PRRG1: variants seen among roughly 807,000 people sequenced by gnomAD.
PRRG1 encodes the protein proline rich and Gla domain 1.
Under a neutral mutation model 11.8 loss-of-function variants are expected in PRRG1, and 5 were observed. The ratio of observed to expected loss-of-function variants is 0.42; its 90% CI spans 0.22 to 0.89. The LOEUF (loss-of-function observed/expected upper bound fraction) is 0.89, where lower values mean the gene tolerates loss of function less well. PRRG1 is among the 40% of genes least tolerant of loss of function. The probability of loss-of-function intolerance (pLI) is 0.28; values close to 1 mark genes in which losing one functional copy is unlikely to be tolerated. For synonymous variants in PRRG1, 66 were observed against 60.4 expected, an observed-to-expected ratio of 1.09 and a Z score of -0.43; for missense variants, 155 against 166.1, an observed-to-expected ratio of 0.93 and a Z score of 0.37.
intron 1 of PRRG1, among the ~76,000 whole-genome samples, chrX:37,354,607 A>G (rs1365487669): frequency 9.2e-6 from 1 of 108,977 alleles, no homozygotes; most frequent in Non-Finnish European, 1.9e-5. Flanking sequence ...GTTAGCCAGG[A>G]TGGTCTCGAT....
At chrX:37,393,946 G>A (rs782154232) in intron 1 of PRRG1, among the ~76,000 whole-genome samples, 1 of 112,026 alleles carries the variant, frequency 8.9e-6, no homozygotes, top group South Asian at 3.7e-4. Flanking sequence ...ACACAACTGT[G>A]TTTGTGAAAA....
chrX:37,373,486 T>C (rs782405222), intron 1 of PRRG1, among the ~76,000 whole-genome samples: 11 of 112,118 alleles, frequency 9.8e-5, no homozygotes, highest in Non-Finnish European at 1.9e-5. Flanking sequence ...TTTTACAGTT[T>C]TCAGTGTACA....
At chrX:37,442,304 A>G in intron 3 of PRRG1, 1 of 656,947 alleles carries the variant, frequency 1.5e-6, no homozygotes, top group Non-Finnish European at 1.8e-6. Flanking sequence ...GGCTTAAAGT[A>G]GGTATCCAGC....
intron 1 of PRRG1, among the ~76,000 whole-genome samples, chrX:37,382,008 T>C (rs1422639370): frequency 9.0e-6 from 1 of 111,698 alleles, no homozygotes; most frequent in African/African-American, 3.2e-5. Context: ...CCCTGAGTCT[T>C]CATACATTTC....
rs782809550 is a variant in PRRG1, at chrX:37,423,722, A to G, written c.11-2118A>G. On this transcript the variant is annotated intron_variant, in intron 2 of 3. Coordinates refer to ENST00000378628, the MANE Select transcript of PRRG1 (RefSeq NM_001142395.2). The stretch of plus-strand genomic sequence containing the variant: ...TATACATTTAATGTAGCCTAAGTCG[A>G]CAGTGTTGATAAAGTCTACAGTAGT... 1.0e-4 allele frequency among the ~76,000 whole-genome samples: 11 copies of G among 109,839 alleles called. No individual in the cohort carries two copies. The South Asian group carries it at 4.3e-3, about 43-fold the overall frequency.
At chrX:37,441,237 A>C (rs1324673894) in intron 3 of PRRG1, 7 of 776,485 alleles carry the variant, frequency 9.0e-6, no homozygotes, top group Non-Finnish European at 1.1e-5. Context: ...GCTATTACAG[A>C]GGGGACCAAT....
rs782438965 is a variant in PRRG1, at chrX:37,402,784, T to C, written c.-41-3425T>C. Among the ~76,000 whole-genome samples the C allele has an allele frequency of 2.7e-5, 3 of 109,764 alleles. No homozygotes were observed. In the Admixed American group the frequency reaches 2.9e-4, roughly 11 times the overall value. The stretch of plus-strand genomic sequence containing the variant: ...TCTACAATGAACTCAAACAAATTTA[T>C]AAGAAAAAAACAACCCCATCAAAAA... On this transcript the variant is annotated intron_variant, in intron 1 of 3. Transcript: ENST00000378628.
chrX:37,417,691 T>A (rs782183552), intron 2 of PRRG1, among the ~76,000 whole-genome samples: 2 of 111,315 alleles, frequency 1.8e-5, no homozygotes, highest in Non-Finnish European at 3.8e-5. Context: ...CAGTCTGTGA[T>A]AAGAAGTACC....
chrX:37,451,502 A>G (rs1216888100), intron 3 of PRRG1, among the ~76,000 whole-genome samples: 1 of 112,524 alleles, frequency 8.9e-6, no homozygotes, highest in Middle Eastern at 4.2e-3. Context: ...AGTGAAGCCA[A>G]TGAGTACTTT....
In PRRG1 at chrX:37,372,255, G is replaced by A. The variant is rs147111831; in HGVS notation, c.-42+22860G>A. 5.7e-3 allele frequency among the ~76,000 whole-genome samples: 636 copies of A among 111,869 alleles called. 10 individuals are homozygous for A. Among genetic ancestry groups the A allele is most frequent in the African/African-American group, 0.018 (550 of 30,740 alleles). ...GCATTTTTTTATATACTTGTAGACT[G>A]TTTGTATGTCTTTGAGAAATGTCTG... On this transcript the variant is annotated intron_variant, in intron 1 of 3. Coordinates refer to ENST00000378628, the MANE Select transcript of PRRG1 (RefSeq NM_001142395.2).
intron 1 of PRRG1, among the ~76,000 whole-genome samples, chrX:37,369,401 A>G (rs1380170569): frequency 8.9e-6 from 1 of 112,032 alleles, no homozygotes; most frequent in Non-Finnish European, 1.9e-5. Flanking sequence ...TGAAAATTAC[A>G]TAGATTTGTG....
rs36010783 is a variant in PRRG1, at chrX:37,439,793, CT to C, written c.172-13323del. Among the ~76,000 whole-genome samples the C allele has an allele frequency of 9.9e-3, 730 of 73,955 alleles. 12 individuals carry two copies. Among genetic ancestry groups the C allele is most frequent in the African/African-American group, 0.035 (602 of 17,233 alleles). 64.2% of individuals were successfully genotyped at this position (73,955 alleles called of 115,157 possible). ...TTTTAATTTCTACTGCTTTAAAATT[CT>C]TTTTTTTTTTTTTTTTTTTGAGAGG... On this transcript the variant is annotated intron_variant, in intron 3 of 3. Coordinates refer to ENST00000378628, the MANE Select transcript of PRRG1 (RefSeq NM_001142395.2).
intron 1 of PRRG1, among the ~76,000 whole-genome samples, chrX:37,361,268 G>C (rs1488279286): frequency 9.1e-6 from 1 of 109,925 alleles, no homozygotes; most frequent in African/African-American, 3.3e-5. Context: ...CGTGAACCCG[G>C]GAGGCAGAGC....
At chrX:37,360,553 A>C (rs1556367326) in intron 1 of PRRG1, among the ~76,000 whole-genome samples, 1 of 112,281 alleles carries the variant, frequency 8.9e-6, no homozygotes, top group African/African-American at 3.2e-5. Context: ...ATTTGTTAAG[A>C]TATGTTTTAT....
At chrX:37,404,216 ACT>A (rs1175808183) in intron 1 of PRRG1, among the ~76,000 whole-genome samples, 1 of 111,653 alleles carries the variant, frequency 9.0e-6, no homozygotes, top group Non-Finnish European at 1.9e-5. Context: ...TGGTCAAGCC[ACT>A]CTCACACCTC....
intron 1 of PRRG1, among the ~76,000 whole-genome samples, chrX:37,378,668 G>A (rs184617026): frequency 8.7e-4 from 97 of 111,608 alleles, no homozygotes; most frequent in Middle Eastern, 4.6e-3. Context: ...TGCCAGGTTC[G>A]TAATTGCACT....
intron 2 of PRRG1, among the ~76,000 whole-genome samples, chrX:37,423,109 C>A (rs1461907865): frequency 9.0e-6 from 1 of 110,830 alleles, no homozygotes; most frequent in Admixed American, 9.6e-5. Context: ...TATTGATGAT[C>A]CTGACCCTGT....
intron 2 of PRRG1, among the ~76,000 whole-genome samples, chrX:37,424,968 G>C (rs1001498095): frequency 3.6e-5 from 4 of 111,084 alleles, no homozygotes; most frequent in African/African-American, 1.3e-4. Flanking sequence ...ATTAGGAAAT[G>C]TTCTAATCTC....
At chrX:37,366,515 T>C (rs1386607053) in intron 1 of PRRG1, among the ~76,000 whole-genome samples, 2 of 112,219 alleles carry the variant, frequency 1.8e-5, no homozygotes, top group Non-Finnish European at 3.8e-5. Flanking sequence ...GATACCATGC[T>C]GATTTAGCTT....
Sources: allele counts gnomAD v4.1 joint callset (sites outside exome capture counted in the v4.1 genomes callset), GRCh38; gene constraint gnomAD v4.1.1; transcripts MANE v1.5; gene names NCBI Gene and HGNC (gene_info 2026-07-23, HGNC 2026-07-21).